The following NTM variants were observed in gnomAD, a reference collection of about 807,000 sequenced individuals.
NTM encodes the protein IgLON family member 2.
Under a neutral mutation model 42.1 loss-of-function variants are expected in NTM, and 13 were observed. The ratio of observed to expected loss-of-function variants is 0.31; its 90% CI spans 0.20 to 0.49. NTM has a LOEUF of 0.49. Among genes scored for constraint, NTM ranks in the 20% least tolerant of loss-of-function variants. NTM has a pLI of 0.99. For missense variants in NTM, 373 were observed against 452.8 expected (o/e 0.82, Z 1.60); for synonymous variants, 187 against 179.2 (o/e 1.04, Z -0.35).
chr11:132,098,470 A>C (rs745785824), intron 2 of NTM, among the ~76,000 whole-genome samples: 1 of 152,230 alleles, frequency 6.6e-6, no homozygotes, highest in Non-Finnish European at 1.5e-5. Context: ...ACCTCTGTGC[A>C]TGCTTCATGG....
chr11:131,699,909 GGTGT>G (rs10577927), intron 1 of NTM, among the ~76,000 whole-genome samples: 13,275 of 130,166 alleles, frequency 0.1, 639 homozygotes, highest in Middle Eastern at 0.12. Context: ...CAAAGCAGCA[GGTGT>G]GTGTGTGTGT....
intron 1 of NTM, among the ~76,000 whole-genome samples, chr11:131,479,507 T>A (rs1953317657): frequency 1.3e-5 from 2 of 151,574 alleles, no homozygotes; most frequent in Non-Finnish European, 2.9e-5. Context: ...TCGCCTAAGG[T>A]GGAAGGAAGA....
At chr11:131,506,427 C>T (rs752696853) in intron 1 of NTM, among the ~76,000 whole-genome samples, 2 of 152,102 alleles carry the variant, frequency 1.3e-5, no homozygotes, top group Non-Finnish European at 2.9e-5. Context: ...ATTCTAATAC[C>T]CTGGCAAATG....
chr11:132,060,660 CAG>C (rs1346091019), intron 2 of NTM, among the ~76,000 whole-genome samples: 1 of 152,198 alleles, frequency 6.6e-6, no homozygotes, highest in Non-Finnish European at 1.5e-5. Flanking sequence ...CTTGCAGTCA[CAG>C]AAATAGTATA....
chr11:131,732,018 C>A (rs528571020), intron 1 of NTM, among the ~76,000 whole-genome samples: 1 of 152,244 alleles, frequency 6.6e-6, no homozygotes, highest in African/African-American at 2.4e-5. Context: ...ATCTCTGGCA[C>A]TTTTTAACTG....
intron 1 of NTM, among the ~76,000 whole-genome samples, chr11:131,657,953 T>G (rs2067416364): frequency 6.6e-6 from 1 of 152,058 alleles, no homozygotes; most frequent in African/African-American, 2.4e-5. Context: ...GAGATGTGAG[T>G]GACACATTCT....
chr11:132,259,923 A>G (rs2092740522), intron 4 of NTM, among the ~76,000 whole-genome samples: 1 of 151,754 alleles, frequency 6.6e-6, no homozygotes, highest in African/African-American at 2.4e-5. Context: ...TAATTTTTGT[A>G]TTTTTTGTAG....
At chr11:131,893,146 G>C (rs1054286427) in intron 1 of NTM, among the ~76,000 whole-genome samples, 2 of 152,308 alleles carry the variant, frequency 1.3e-5, no homozygotes, top group East Asian at 3.9e-4. Context: ...TGGGTATTAG[G>C]GCTAGAATTT....
intron 3 of NTM, among the ~76,000 whole-genome samples, chr11:132,180,074 G>A (rs563759125): frequency 9.2e-5 from 14 of 152,236 alleles, no homozygotes; most frequent in African/African-American, 1.4e-4. Flanking sequence ...TGGGAACCCC[G>A]TTTGAAAGCT....
At chr11:131,395,132 C>G (rs1242577612) in intron 1 of NTM, among the ~76,000 whole-genome samples, 2 of 152,172 alleles carry the variant, frequency 1.3e-5, no homozygotes, top group East Asian at 1.9e-4. Flanking sequence ...CAGTCCTGCT[C>G]TCAGCCTCTC....
At position 131,881,643 on chromosome 11, in the gene NTM, G is replaced by T. The variant is rs573822163; in HGVS notation, c.83-29921G>T. 5.9e-5 allele frequency among the ~76,000 whole-genome samples: 9 copies of T among 152,174 alleles called. No individual in the cohort carries two copies. The South Asian group carries it at 1.7e-3, about 28-fold the overall frequency. On this transcript the variant is annotated intron_variant, in intron 1 of 8. Transcript: ENST00000683400. The stretch of plus-strand genomic sequence containing the variant: ...CCTCCACTAAGAAAAGCTGAAAAAT[G>T]CAGTAAGGGCATTTAGAAGAGAGAA...
chr11:131,619,027 G>T (rs771677800), intron 1 of NTM, among the ~76,000 whole-genome samples: 7 of 152,194 alleles, frequency 4.6e-5, no homozygotes, highest in Non-Finnish European at 1.0e-4. Context: ...TGCTAGGCTC[G>T]AGAGGTATGC....
At chr11:132,086,945 C>T (rs987464087) in intron 2 of NTM, among the ~76,000 whole-genome samples, 1 of 152,172 alleles carries the variant, frequency 6.6e-6, no homozygotes, top group East Asian at 1.9e-4. Context: ...AAAGAGGGGA[C>T]AGAGGAGTAA....
chr11:131,576,428 C>T (rs2057938930), intron 1 of NTM, among the ~76,000 whole-genome samples: 1 of 152,154 alleles, frequency 6.6e-6, no homozygotes, highest in Admixed American at 6.5e-5. Flanking sequence ...GGTCACAGCC[C>T]TGACCTGCCT....
intron 2 of NTM, among the ~76,000 whole-genome samples, chr11:131,915,098 C>T (rs530975306): frequency 6.6e-6 from 1 of 152,288 alleles, no homozygotes; most frequent in South Asian, 2.1e-4. Context: ...TTTATGTAAA[C>T]AGTAACATTT....
intron 1 of NTM, among the ~76,000 whole-genome samples, chr11:131,458,467 C>A (rs947085247): frequency 3.3e-5 from 5 of 152,172 alleles, no homozygotes; most frequent in Non-Finnish European, 7.3e-5. Flanking sequence ...ACCAAAATCC[C>A]ACCATCACAA....
intron 1 of NTM, among the ~76,000 whole-genome samples, chr11:131,758,214 C>G (rs1381503590): frequency 6.6e-6 from 1 of 152,090 alleles, no homozygotes; most frequent in East Asian, 1.9e-4. Context: ...TCATACCATT[C>G]TTTTCATTTT....
At chr11:131,975,648 G>A (rs540620201) in intron 2 of NTM, among the ~76,000 whole-genome samples, 9 of 152,260 alleles carry the variant, frequency 5.9e-5, no homozygotes, top group East Asian at 5.8e-4. Flanking sequence ...CCTATTTAAC[G>A]GTGTGTTTGT....
intron 2 of NTM, among the ~76,000 whole-genome samples, chr11:132,143,699 C>T: frequency 6.6e-6 from 1 of 152,052 alleles, no homozygotes; most frequent in East Asian, 1.9e-4. Flanking sequence ...CAGTGGCCAC[C>T]CTTCAGATTA....
Sources: gnomAD v4.1 joint callset for allele counts (sites outside exome capture counted in the v4.1 genomes callset) on GRCh38, gnomAD v4.1.1 for gene constraint, MANE v1.5 for transcripts, NCBI Gene and HGNC (gene_info 2026-07-23, HGNC 2026-07-21) for gene names.